Variants in NLGN1 observed in about 807,000 individuals in gnomAD.
The protein encoded by NLGN1 is neuroligin-1.
A neutral mutation model predicts 65.5 loss-of-function variants in NLGN1; 12 were observed. That is an observed-to-expected ratio of 0.18 (90% CI 0.12 to 0.30). The LOEUF is 0.30. Ranked by LOEUF, NLGN1 falls within the 10% of genes least tolerant of loss-of-function variation. NLGN1 has a pLI of 1.00. For synonymous variants in NLGN1, 350 were observed against 359.5 expected (o/e 0.97, Z 0.30); for missense variants, 750 against 1,007.1 (o/e 0.74, Z 3.46).
intron 4 of NLGN1, among the ~76,000 whole-genome samples, chr3:174,147,727 A>G (rs1177861312): frequency 6.6e-6 from 1 of 152,084 alleles, no homozygotes; most frequent in Non-Finnish European, 1.5e-5. Flanking sequence ...AAAACGTGCT[A>G]GTTTAAAACC....
Position 174,175,459 on chromosome 3 carries a change from C to A in NLGN1, c.647-99856C>A, listed in dbSNP as rs554574784. ...TGAAGTAAATATAGCTACTCCTGCT[C>A]TTTCTGGGTTTCCATTGGCATGGAA... On this transcript the variant is annotated intron_variant, in intron 4 of 6. Transcript: ENST00000457714. Among the ~76,000 whole-genome samples the A allele has an allele frequency of 5.3e-5, 8 of 151,944 alleles. 1 individual carries two copies. The South Asian group carries it at 1.7e-3, about 31-fold the overall frequency.
chr3:173,970,242 G>A (rs1266963862), intron 4 of NLGN1, among the ~76,000 whole-genome samples: 2 of 152,160 alleles, frequency 1.3e-5, no homozygotes, highest in South Asian at 4.1e-4. Flanking sequence ...GTTTAGTGGA[G>A]GGTGAAACAA....
intron 5 of NLGN1, among the ~76,000 whole-genome samples, chr3:174,276,376 T>C (rs979202241): frequency 6.6e-6 from 1 of 151,954 alleles, no homozygotes; most frequent in African/African-American, 2.4e-5. Flanking sequence ...AGAAGAGTAT[T>C]GTTGGAGAAA....
At chr3:173,455,235 G>C (rs1157121159) in intron 2 of NLGN1, among the ~76,000 whole-genome samples, 1 of 152,192 alleles carries the variant, frequency 6.6e-6, no homozygotes, top group Non-Finnish European at 1.5e-5. Context: ...TCATGGCAGA[G>C]GGTGAAGGGA....
intron 4 of NLGN1, among the ~76,000 whole-genome samples, chr3:173,971,909 G>A (rs1173667544): frequency 1.3e-5 from 2 of 152,030 alleles, no homozygotes; most frequent in Non-Finnish European, 2.9e-5. Context: ...TAAGCAGCAA[G>A]TGGACTGCTT....
chr3:173,721,413 C>A (rs1384044481), intron 3 of NLGN1, among the ~76,000 whole-genome samples: 1 of 152,194 alleles, frequency 6.6e-6, no homozygotes, highest in Non-Finnish European at 1.5e-5. Flanking sequence ...TCTAAGTAAA[C>A]AAGTAAACGC....
At chr3:173,836,448 G>T (rs1341108050) in intron 4 of NLGN1, among the ~76,000 whole-genome samples, 1 of 151,854 alleles carries the variant, frequency 6.6e-6, no homozygotes, top group Non-Finnish European at 1.5e-5. Context: ...TTGATTTATG[G>T]ACCTTAATTT....
chr3:174,242,671 AG>A (rs1743112042), intron 4 of NLGN1, among the ~76,000 whole-genome samples: 3 of 152,292 alleles, frequency 2.0e-5, no homozygotes, highest in Admixed American at 2.0e-4. Context: ...TCTAGTTGCA[AG>A]AAAACAAGTT....
At chr3:173,642,449 C>A (rs1757568498) in intron 3 of NLGN1, among the ~76,000 whole-genome samples, 1 of 152,130 alleles carries the variant, frequency 6.6e-6, no homozygotes, top group Non-Finnish European at 1.5e-5. Context: ...TTAAAACATG[C>A]ATGTGAAGAA....
intron 4 of NLGN1, among the ~76,000 whole-genome samples, chr3:174,106,725 T>G (rs1713899773): frequency 6.6e-6 from 1 of 151,928 alleles, no homozygotes; most frequent in Non-Finnish European, 1.5e-5. Context: ...TTCCACCCTA[T>G]GCCATCTGCA....
At chr3:173,568,329 G>A (rs1205746089) in intron 2 of NLGN1, among the ~76,000 whole-genome samples, 1 of 150,898 alleles carries the variant, frequency 6.6e-6, no homozygotes, top group Non-Finnish European at 1.5e-5. Context: ...CGCCTCCTGG[G>A]CTCTGGCAAT....
At chr3:173,493,124 C>T (rs2149021523) in intron 2 of NLGN1, among the ~76,000 whole-genome samples, 1 of 151,846 alleles carries the variant, frequency 6.6e-6, no homozygotes, top group Middle Eastern at 3.4e-3. Flanking sequence ...ATTTATTCTT[C>T]AATATATGCC....
intron 4 of NLGN1, among the ~76,000 whole-genome samples, chr3:173,924,717 G>A (rs2152271811): frequency 6.6e-6 from 1 of 152,004 alleles, no homozygotes; most frequent in East Asian, 1.9e-4. Flanking sequence ...ACTGTATGTT[G>A]GGAATTATAT....
chr3:173,910,673 T>C (rs533787336), intron 4 of NLGN1: 1 of 152,330 alleles, frequency 6.6e-6, no homozygotes, highest in East Asian at 1.9e-4. Context: ...ATAAGTAATA[T>C]ATAATGCTCA....
At chr3:173,680,052 A>G (rs768388978) in intron 3 of NLGN1, among the ~76,000 whole-genome samples, 2 of 152,154 alleles carry the variant, frequency 1.3e-5, no homozygotes, top group Admixed American at 6.5e-5. Flanking sequence ...AAATAAATGA[A>G]TGGAGAAATA....
chr3:173,882,132 C>CT (rs1335432325), intron 4 of NLGN1, among the ~76,000 whole-genome samples: 1 of 152,092 alleles, frequency 6.6e-6, no homozygotes, highest in Non-Finnish European at 1.5e-5. Context: ...TTTGAAATAT[C>CT]TTTTTTTCTG....
At chr3:173,450,485 G>A (rs1335570756) in intron 2 of NLGN1, among the ~76,000 whole-genome samples, 1 of 152,104 alleles carries the variant, frequency 6.6e-6, no homozygotes, top group Non-Finnish European at 1.5e-5. Context: ...CTCTCGGGCT[G>A]CCCTTAACAT....
chr3:173,759,338 A>G (rs545001521), intron 3 of NLGN1, among the ~76,000 whole-genome samples: 1 of 152,166 alleles, frequency 6.6e-6, no homozygotes, highest in South Asian at 2.1e-4. Flanking sequence ...AAGATAAACC[A>G]TAATTTATTC....
intron 4 of NLGN1, among the ~76,000 whole-genome samples, chr3:173,985,560 C>A (rs1579579820): frequency 6.6e-6 from 1 of 152,316 alleles, no homozygotes; most frequent in East Asian, 1.9e-4. Flanking sequence ...CCATCACTGG[C>A]ACAATATTGC....
Sources: gnomAD v4.1 joint callset for allele counts (sites outside exome capture counted in the v4.1 genomes callset) on GRCh38, gnomAD v4.1.1 for gene constraint, MANE v1.5 for transcripts, NCBI Gene and HGNC (gene_info 2026-07-23, HGNC 2026-07-21) for gene names.